Variants in ATAD2B observed in about 807,000 individuals in gnomAD.
The protein encoded by ATAD2B is ATPase family AAA domain-containing protein 2B.
Under a neutral mutation model 167.6 loss-of-function variants are expected in ATAD2B, and 40 were observed. That is an observed-to-expected ratio of 0.24 (90% CI 0.19 to 0.31). The LOEUF (loss-of-function observed/expected upper bound fraction) is 0.31, where lower values mean the gene tolerates loss of function less well. Ranked by LOEUF, ATAD2B falls within the 10% of genes least tolerant of loss-of-function variation. The pLI is 1.00. For synonymous variants in ATAD2B, 579 were observed against 596.5 expected, an observed-to-expected ratio of 0.97 and a Z score of 0.43; for missense variants, 1,242 against 1,757.2, an observed-to-expected ratio of 0.71 and a Z score of 5.24.
At chr2:23,902,335 C>T (rs1408325318) in intron 1 of ATAD2B, among the ~76,000 whole-genome samples, 2 of 152,140 alleles carry the variant, frequency 1.3e-5, no homozygotes, top group Non-Finnish European at 2.9e-5. Flanking sequence ...CCAAAGACTC[C>T]TTCCCTCCAA....
chr2:23,899,207 C>T (rs1372585617), intron 1 of ATAD2B, among the ~76,000 whole-genome samples: 1 of 147,782 alleles, frequency 6.8e-6, no homozygotes, highest in Admixed American at 6.9e-5. Flanking sequence ...AGCTACTCAG[C>T]GAGGGTGAGG....
chr2:23,926,931 G>A lies in ATAD2B; in HGVS notation c.-161C>T, dbSNP rs1204005502. 9.2e-6 allele frequency: 8 copies of A among 866,346 alleles called. No individual in the cohort carries two copies. Among genetic ancestry groups the A allele is most frequent in the Non-Finnish European group, 1.3e-5 (8 of 605,446 alleles). The allele number at this position is 866,346 out of a possible 1,614,324, so 53.7% of individuals were successfully genotyped here. On this transcript the variant is annotated 5_prime_UTR_variant, in exon 1 of 28. Transcript: ENST00000238789. Reference sequence around the variant, plus strand: ...GACGAGCACAAGAGAGAGCCGGGCAGAGGAAGGGAAGTCGGCGTGAGCAGG... The same window carrying A: ...GACGAGCACAAGAGAGAGCCGGGCAAAGGAAGGGAAGTCGGCGTGAGCAGG...
the ATAD2B span, among the ~76,000 whole-genome samples, chr2:23,726,352 TAACA>T: frequency 3.2e-3 from 488 of 152,356 alleles, 2 homozygotes; most frequent in African/African-American, 0.011. Context: ...GCCTTACTGA[TAACA>T]TAAACAGTTG....
the ATAD2B span, chr2:23,696,580 A>C: frequency 1.6e-6 from 2 of 1,284,742 alleles, no homozygotes; most frequent in Non-Finnish European, 2.1e-6. The surrounding 1 kb of genome is among the most constrained non-coding windows in gnomAD (Gnocchi z 5.5). Context: ...CACGTCACTC[A>C]CTGTACCTCC....
chr2:23,906,496 T>C (rs1701514291), intron 1 of ATAD2B, among the ~76,000 whole-genome samples: 1 of 151,776 alleles, frequency 6.6e-6, no homozygotes, highest in Non-Finnish European at 1.5e-5. Context: ...GGGTGGAGAG[T>C]TCTGTAGATG....
intron 1 of ATAD2B, among the ~76,000 whole-genome samples, chr2:23,924,731 C>CA (rs1704467555): frequency 1.3e-5 from 2 of 152,252 alleles, no homozygotes; most frequent in Admixed American, 1.3e-4. Context: ...ATCTTTGAAA[C>CA]AAAGTTTCAT....
At chr2:23,835,266 A>G (rs1430863411) in intron 13 of ATAD2B, among the ~76,000 whole-genome samples, 1 of 152,254 alleles carries the variant, frequency 6.6e-6, no homozygotes, top group East Asian at 1.9e-4. Flanking sequence ...GAAGAAACCC[A>G]AAAGTCCATC....
downstream of ATAD2B, among the ~76,000 whole-genome samples, chr2:23,745,430 G>GGGAAGGGAAGGGAAGGGAAGGGAA (rs1674820284): frequency 1.2e-5 from 1 of 86,586 alleles, no homozygotes; most frequent in Non-Finnish European, 2.5e-5. Context: ...GGAAAGGGAA[G>GGGAAGGGAAGGGAAGGGAAGGGAA]GGAAGGGAAG....
chr2:23,702,702 C>T, the ATAD2B span, among the ~76,000 whole-genome samples: 1 of 152,346 alleles, frequency 6.6e-6, no homozygotes, highest in South Asian at 2.1e-4. Context: ...TCAGACCACT[C>T]AGCATCCTGC....
At chr2:23,826,493 C>A (rs1467945345) in intron 15 of ATAD2B, among the ~76,000 whole-genome samples, 1 of 152,112 alleles carries the variant, frequency 6.6e-6, no homozygotes, top group African/African-American at 2.4e-5. Context: ...TCTACCATTA[C>A]AATTCTAATA....
At chr2:23,713,402 GT>G in the ATAD2B span, among the ~76,000 whole-genome samples, 269 of 111,758 alleles carry the variant, frequency 2.4e-3, 1 homozygote, top group Admixed American at 6.3e-3. Flanking sequence ...TTTTATGGAG[GT>G]TTTTTTTTTT....
the ATAD2B span, among the ~76,000 whole-genome samples, chr2:23,733,769 C>T: frequency 3.3e-5 from 5 of 152,160 alleles, 2 homozygotes; most frequent in Admixed American, 3.3e-4. Context: ...CTCTAAATTT[C>T]CTAGAAATGA....
chr2:23,901,286 T>C (rs1700803398), intron 1 of ATAD2B: 1 of 152,094 alleles, frequency 6.6e-6, no homozygotes, highest in African/African-American at 2.4e-5. Flanking sequence ...TGTACCAATT[T>C]AGATAGCCCA....
intron 18 of ATAD2B, among the ~76,000 whole-genome samples, chr2:23,805,399 G>A (rs568632591): frequency 2.0e-5 from 3 of 152,232 alleles, no homozygotes; most frequent in African/African-American, 7.2e-5. Flanking sequence ...TTCAGCCCAT[G>A]TAAATCTATC....
intron 13 of ATAD2B, among the ~76,000 whole-genome samples, chr2:23,835,766 T>C (rs1038845020): frequency 6.6e-6 from 1 of 152,066 alleles, no homozygotes; most frequent in African/African-American, 2.4e-5. Flanking sequence ...TGAAACCTCA[T>C]CTCTACTAAA....
intron 7 of ATAD2B, among the ~76,000 whole-genome samples, chr2:23,880,056 A>T (rs1003397660): frequency 2.2e-4 from 28 of 126,874 alleles, no homozygotes; most frequent in Non-Finnish European, 2.9e-4. Context: ...CTCTGTTTTT[A>T]AAAAAAAAAA....
chr2:23,765,746 A>G, intron 22 of ATAD2B, 118 bp from the exon 23 acceptor site: 1 of 620,244 alleles, frequency 1.6e-6, no homozygotes, highest in Non-Finnish European at 2.4e-6. Flanking sequence ...TAGGTGAGAA[A>G]AAGTTTATTT....
intron 12 of ATAD2B, among the ~76,000 whole-genome samples, chr2:23,861,094 G>A (rs564870149): frequency 1.3e-5 from 2 of 151,342 alleles, no homozygotes; most frequent in Admixed American, 6.6e-5. Flanking sequence ...CTTTGGGAGT[G>A]TTGATCACTA....
chr2:23,848,479 C>A (rs1188375187), intron 13 of ATAD2B, among the ~76,000 whole-genome samples: 1 of 151,322 alleles, frequency 6.6e-6, no homozygotes, highest in Non-Finnish European at 1.5e-5. Context: ...GACTCTGTCT[C>A]AAAAAATAAA....
Sources: gnomAD v4.1 joint callset for allele counts (sites outside exome capture counted in the v4.1 genomes callset) on GRCh38, gnomAD v4.1.1 for gene constraint, Gnocchi (gnomAD v3.1) non-coding constraint, MANE v1.5 for transcripts, NCBI Gene and HGNC (gene_info 2026-07-23, HGNC 2026-07-21) for gene names.